The following CHL1 variants were observed in gnomAD, a reference collection of about 807,000 sequenced individuals.
CHL1 encodes neural cell adhesion molecule L1-like protein.
CHL1 carries 96 observed loss-of-function variants against 141.9 expected under a neutral mutation model. That is an observed-to-expected ratio of 0.68 (90% confidence interval 0.57 to 0.80). CHL1 has a LOEUF of 0.80. Among genes scored for constraint, CHL1 ranks in the 30% least tolerant of loss-of-function variants. The pLI is 0.00. For missense variants in CHL1, 1,820 were observed against 1,457.2 expected, an observed-to-expected ratio of 1.25 and a Z score of -4.05; for synonymous variants, 613 against 502.2, an observed-to-expected ratio of 1.22 and a Z score of -2.95.
chr3:265,626 A>G (rs1165187425), intron 2 of CHL1, among the ~76,000 whole-genome samples: 1 of 152,210 alleles, frequency 6.6e-6, no homozygotes, highest in Non-Finnish European at 1.5e-5. Context: ...AAATGTTACT[A>G]GAATTCTATT....
At chr3:228,380 T>A (rs993650284) in intron 1 of CHL1, among the ~76,000 whole-genome samples, 1 of 152,112 alleles carries the variant, frequency 6.6e-6, no homozygotes, top group Non-Finnish European at 1.5e-5. Flanking sequence ...TATTTCCTTC[T>A]TAAACTTTGC....
intron 2 of CHL1, among the ~76,000 whole-genome samples, chr3:260,575 T>C (rs1694628873): frequency 6.6e-6 from 1 of 152,172 alleles, no homozygotes; most frequent in Non-Finnish European, 1.5e-5. Context: ...CGACAGCAGA[T>C]TCACACAGGC....
At chr3:270,285 A>C (rs1191534350) in intron 2 of CHL1, among the ~76,000 whole-genome samples, 3 of 152,238 alleles carry the variant, frequency 2.0e-5, no homozygotes, top group Non-Finnish European at 4.4e-5. Flanking sequence ...GAAATATTTC[A>C]GGCCAATGAG....
rs543808334 is a variant in CHL1, at chr3:218,653, C to G, written c.-175+21590C>G. On this transcript the variant is annotated intron_variant, in intron 1 of 27. Coordinates refer to ENST00000256509, the MANE Select transcript of CHL1 (RefSeq NM_006614.4). ...AAAATTAAAGTTTAAGCTTTGGATG[C>G]TAACTTTCAAATCTATGTGAAATGA... is the stretch of plus-strand genomic sequence containing the variant. 5.9e-5 allele frequency among the ~76,000 whole-genome samples: 9 copies of G among 152,176 alleles called. No individual in the cohort carries two copies. The South Asian group carries it at 1.5e-3, about 25-fold the overall frequency.
chr3:376,467 C>T, intron 15 of CHL1: 1 of 501,268 alleles, frequency 2.0e-6, no homozygotes, highest in South Asian at 1.5e-5. Context: ...ACTAGTGAGG[C>T]ACCCAACGTT....
chr3:390,287 G>A (rs928403884), intron 20 of CHL1, among the ~76,000 whole-genome samples: 2 of 152,220 alleles, frequency 1.3e-5, no homozygotes, highest in African/African-American at 4.8e-5. Context: ...AGGGTTGTAT[G>A]AACCAATTTA....
intron 2 of CHL1, among the ~76,000 whole-genome samples, chr3:273,371 A>T (rs1358219751): frequency 1.3e-5 from 2 of 152,176 alleles, no homozygotes; most frequent in Admixed American, 1.3e-4. Context: ...CTGAATCAAT[A>T]TGTTTTAGTT....
intron 13 of CHL1, 86 bp from the exon 14 acceptor site, chr3:363,131 A>G (rs1704449964): frequency 9.0e-7 from 1 of 1,117,006 alleles, no homozygotes; most frequent in African/African-American, 1.6e-5. Flanking sequence ...AAAGGGGATT[A>G]GCCTGAATGA....
intron 1 of CHL1, among the ~76,000 whole-genome samples, chr3:220,974 A>T (rs1372594207): frequency 6.6e-6 from 1 of 152,194 alleles, no homozygotes; most frequent in Non-Finnish European, 1.5e-5. Flanking sequence ...TGGTCTCCAC[A>T]ACCATCCTTA....
intron 2 of CHL1, among the ~76,000 whole-genome samples, chr3:314,039 G>T (rs975493271): frequency 3.3e-5 from 5 of 152,064 alleles, no homozygotes; most frequent in African/African-American, 1.2e-4. Flanking sequence ...TGTTCCAATA[G>T]AAGAGGTGCA....
chr3:255,763 C>A (rs1341535239), intron 2 of CHL1, among the ~76,000 whole-genome samples: 1 of 152,126 alleles, frequency 6.6e-6, no homozygotes, highest in African/African-American at 2.4e-5. Flanking sequence ...TTGCCATTGC[C>A]CGTAGCATAT....
At chr3:301,013 G>GCACT (rs765820499) in intron 2 of CHL1, among the ~76,000 whole-genome samples, 4 of 152,136 alleles carry the variant, frequency 2.6e-5, no homozygotes, top group Non-Finnish European at 4.4e-5. Context: ...AGAGTCCAGA[G>GCACT]CACTCAGAAT....
intron 2 of CHL1, among the ~76,000 whole-genome samples, chr3:256,357 G>T (rs1169048798): frequency 2.6e-5 from 4 of 152,120 alleles, no homozygotes; most frequent in Non-Finnish European, 5.9e-5. Flanking sequence ...TACAGCTATT[G>T]CACCACTCTA....
chr3:271,776 T>C (rs4685523), intron 2 of CHL1, among the ~76,000 whole-genome samples: 11,989 of 152,210 alleles, frequency 0.079, 519 homozygotes, highest in Non-Finnish European at 0.091. Flanking sequence ...GAAATCAAAG[T>C]GAACATTGAT....
Position 264,367 on chromosome 3 carries a change from A to G in CHL1, c.-95+19675A>G, listed in dbSNP as rs556145105. Among the ~76,000 whole-genome samples, 7 of 152,324 alleles carry G rather than the reference A, an allele frequency of 4.6e-5. No homozygotes were observed. In the East Asian group the frequency reaches 1.2e-3, roughly 25 times the overall value. ...CAGTAGAAATAATAACTCAGTAGGA[A>G]TAGGAGTATGTAGTTTTTTTTAATA... On this transcript the variant is annotated intron_variant, in intron 2 of 27. Coordinates refer to ENST00000256509, the MANE Select transcript of CHL1 (RefSeq NM_006614.4).
chr3:287,859 G>A (rs147058459), intron 2 of CHL1, among the ~76,000 whole-genome samples: 23 of 151,894 alleles, frequency 1.5e-4, no homozygotes, highest in South Asian at 2.1e-4. Flanking sequence ...TCCGCCTCCC[G>A]GGTTGAAGCG....
At chr3:295,557 A>C (rs1424868490) in intron 2 of CHL1, among the ~76,000 whole-genome samples, 5 of 152,110 alleles carry the variant, frequency 3.3e-5, no homozygotes, top group Non-Finnish European at 7.4e-5. Flanking sequence ...TTTGGAAGTA[A>C]CTCTTTTTTT....
Position 398,309 on chromosome 3 carries a change from T to C in CHL1, c.3177T>C (p.His1059=). Residue 1059 remains histidine (H), a synonymous_variant, in exon 25 of 28, where the codon CAT becomes CAC. Coordinates refer to ENST00000256509, the MANE Select transcript of CHL1 (RefSeq NM_006614.4). ...AGGTATTTGAGCCGGGAGCTGAACA[T>C]ATAGTTCGCCTAATGACTAAGAATT... The part of the protein sequence containing the change: ...PIEVFEPGAE[H]IVRLMTKNWG... The C allele has an allele frequency of 6.2e-7, 1 of 1,608,354 alleles. No homozygotes were observed. Among genetic ancestry groups the C allele is most frequent in the Non-Finnish European group, 8.5e-7 (1 of 1,174,902 alleles).
At chr3:245,300 C>G (rs1180168679) in intron 2 of CHL1, among the ~76,000 whole-genome samples, 1 of 152,114 alleles carries the variant, frequency 6.6e-6, no homozygotes, top group Non-Finnish European at 1.5e-5. Context: ...GGGCCAAACA[C>G]ACAGTGATGT....
Sources: allele counts gnomAD v4.1 joint callset (sites outside exome capture counted in the v4.1 genomes callset), GRCh38; gene constraint gnomAD v4.1.1; transcripts MANE v1.5; gene names NCBI Gene and HGNC (gene_info 2026-07-23, HGNC 2026-07-21).